Variants in GYS1 observed in about 807,000 individuals in gnomAD.
GYS1 encodes the protein glycogen [starch] synthase, muscle.
A neutral mutation model predicts 89.1 loss-of-function variants in GYS1; 60 were observed. The ratio of observed to expected loss-of-function variants is 0.67; its 90% CI spans 0.55 to 0.84. The LOEUF is 0.84. GYS1 is among the 40% of genes least tolerant of loss of function. The pLI is 0.00. For synonymous variants in GYS1, 366 were observed against 401.7 expected (o/e 0.91, Z 1.06); for missense variants, 888 against 1,003.1 (o/e 0.89, Z 1.55).
Position 48,993,207 on chromosome 19 carries a change from G to C in GYS1, c.-95C>G. The C allele has an allele frequency of 1.3e-6, 1 of 784,090 alleles. No individual in the cohort carries two copies. Among genetic ancestry groups the C allele is most frequent in the Admixed American group, 1.7e-5 (1 of 58,886 alleles). The allele number at this position is 784,090 out of a possible 1,614,324, so 48.6% of individuals were successfully genotyped here. ...AGGTAGGGTGCGGGGCCGAGTAGCTGGTGCCCGACGGGAAGCTTGCAAGAC... is the reference window on the plus strand; with the variant it reads ...AGGTAGGGTGCGGGGCCGAGTAGCTCGTGCCCGACGGGAAGCTTGCAAGAC... On this transcript the variant is annotated 5_prime_UTR_variant, in exon 1 of 16. Transcript: ENST00000323798.
intron 10 of GYS1, among the ~76,000 whole-genome samples, chr19:48,977,654 C>A (rs1392126867): frequency 2.0e-5 from 3 of 152,026 alleles, no homozygotes; most frequent in African/African-American, 7.2e-5. Flanking sequence ...TGCTCATTGA[C>A]CCCAGAATCC....
chr19:48,979,773 G>T (rs1600141150), intron 8 of GYS1, among the ~76,000 whole-genome samples: 1 of 150,542 alleles, frequency 6.6e-6, no homozygotes, highest in African/African-American at 2.4e-5. Context: ...AGCCTCTCGA[G>T]TAGCTAGGAC....
At chr19:48,987,118 A>T (rs2038853551) in intron 3 of GYS1, 76 bp downstream of exon 3, 1 of 1,049,216 alleles carries the variant, frequency 9.5e-7, no homozygotes, top group East Asian at 2.4e-5. Flanking sequence ...GCCCAGGGAG[A>T]AGCCCATCCT....
At chr19:48,986,709 G>A (rs2122523387) in intron 3 of GYS1, among the ~76,000 whole-genome samples, 1 of 152,026 alleles carries the variant, frequency 6.6e-6, no homozygotes, top group Middle Eastern at 3.4e-3. Flanking sequence ...ACGAGGTTTG[G>A]CCATCTTGAA....
intron 3 of GYS1, 92 bp downstream of exon 3, chr19:48,987,102 C>A: frequency 1.1e-6 from 1 of 916,090 alleles, no homozygotes; most frequent in East Asian, 2.5e-5. Context: ...CTATGACTCC[C>A]AGAATGCCCA....
chr19:48,989,395 T>C (rs1412544042), intron 2 of GYS1, among the ~76,000 whole-genome samples: 3 of 151,646 alleles, frequency 2.0e-5, no homozygotes, highest in Admixed American at 1.3e-4. Context: ...GGCAGGAGAA[T>C]TGCTTGAACG....
In GYS1 at chr19:48,993,154, G is replaced by A. The variant is rs370809454; in HGVS notation, c.-42C>T. The A allele has an allele frequency of 9.1e-7, 1 of 1,099,890 alleles. No homozygotes were observed. Among genetic ancestry groups the A allele is most frequent in the South Asian group, 1.2e-5 (1 of 80,780 alleles). 68.1% of individuals were successfully genotyped at this position (1,099,890 alleles called of 1,614,324 possible). A position where few individuals can be genotyped will look rare whatever the true frequency, so the allele number is the denominator to read the frequency against. ...GGGGCTCCGGGGATCTCCAGGTAGG[G>A]ACCCCGGAGGTGTCTAGGGAATGCA... On this transcript the variant is annotated 5_prime_UTR_variant, in exon 1 of 16. Transcript: ENST00000323798.
chr19:48,972,618 A>G (rs1035588335), intron 12 of GYS1, among the ~76,000 whole-genome samples: 4 of 151,770 alleles, frequency 2.6e-5, no homozygotes, highest in African/African-American at 7.3e-5. Flanking sequence ...GGCTGGGATT[A>G]CAGGTGCCTG....
chr19:48,991,476 G>A lies in GYS1; in HGVS notation c.126C>T (p.Gly42=). 6.2e-7 allele frequency: 1 copy of A among 1,608,592 alleles called. No individual in the cohort carries two copies. Among genetic ancestry groups the A allele is most frequent in the Non-Finnish European group, 8.5e-7 (1 of 1,177,640 alleles). Residue 42 remains glycine, a synonymous_variant, in exon 2 of 16, where the codon GGC becomes GGT. Coordinates refer to ENST00000323798, the MANE Select transcript of GYS1 (RefSeq NM_002103.5). This position sits in a 1 kb window ranked among gnomAD's most constrained non-coding sequence, Gnocchi z 4.7. ...CCTTCGTCTGCAGCACCGTGTAGATGCCACCCACTGTGGGCCCAAGCGTGT... is the reference window on the plus strand; with the variant it reads ...CCTTCGTCTGCAGCACCGTGTAGATACCACCCACTGTGGGCCCAAGCGTGT... ...VAWEVANKVG[G]IYTVLQTKAK... is the part of the protein sequence containing the mutation.
At chr19:48,992,907 G>GT in intron 1 of GYS1, 88 bp downstream of exon 1, 1 of 822,216 alleles carries the variant, frequency 1.2e-6, no homozygotes, top group Non-Finnish European at 2.2e-6. Flanking sequence ...GGTTCCCCTA[G>GT]TAGCCCCGTC....
At chr19:48,978,530 T>TTTATTATTATTATTATTA (rs71294392) in intron 8 of GYS1, among the ~76,000 whole-genome samples, 1,605 of 146,710 alleles carry the variant, frequency 0.011, 26 homozygotes, top group African/African-American at 0.037. Context: ...CAGCAGTTTA[T>TTTATTATTATTATTATTA]TTATTATTAT....
At chr19:48,990,004 G>GT (rs199593098) in intron 2 of GYS1, among the ~76,000 whole-genome samples, 11 of 149,238 alleles carry the variant, frequency 7.4e-5, no homozygotes, top group East Asian at 2.0e-4. Context: ...TTGCTGGGGG[G>GT]GGGGGGGGGC....
chr19:48,985,660 G>A (rs2038831484), intron 4 of GYS1, 55 bp from the exon 5 acceptor site: 1 of 1,599,110 alleles, frequency 6.3e-7, no homozygotes, highest in South Asian at 1.1e-5. Flanking sequence ...AGACTCTGGA[G>A]GTCCAGACAC....
rs565060910 is a variant in GYS1, at chr19:48,985,203, C to G, written c.823+258G>C. On this transcript the variant is annotated intron_variant, in intron 5 of 15. Transcript: ENST00000323798. ...AGTAGCTAGGGATACAGGCACACAC[C>G]ATGTCTGGCGAATATTTTAGACAGG... 3.3e-5 allele frequency among the ~76,000 whole-genome samples: 5 copies of G among 152,198 alleles called. No individual in the cohort carries two copies. In the South Asian group the frequency reaches 1.0e-3, roughly 32 times the overall value.
At chr19:48,990,012 G>GGC (rs1555800171) in intron 2 of GYS1, among the ~76,000 whole-genome samples, 7 of 150,680 alleles carry the variant, frequency 4.6e-5, no homozygotes, top group East Asian at 2.0e-4. Flanking sequence ...GGGGGGGGGG[G>GGC]GCTATTCTTA....
At position 48,991,585 on chromosome 19, in the gene GYS1, C is replaced by T. The variant is rs1568627384; in HGVS notation, c.119-102G>A. The stretch of plus-strand genomic sequence containing the variant: ...ATGTAGGGGGCACTCAGGCCCCAGA[C>T]CTCTAGCTCAGGGGGAAGAGGGGAC... On this transcript the variant is annotated intron_variant, in intron 1 of 15. Coordinates refer to ENST00000323798, the MANE Select transcript of GYS1 (RefSeq NM_002103.5). This position sits in a 1 kb window ranked among gnomAD's most constrained non-coding sequence, Gnocchi z 4.7. The T allele has an allele frequency of 5.5e-6, 7 of 1,268,732 alleles. No individual in the cohort carries two copies. The highest frequency in any genetic ancestry group is 6.8e-6 in the Non-Finnish European group (6 of 881,376). 78.6% of individuals were successfully genotyped at this position (1,268,732 alleles called of 1,614,324 possible). A position where few individuals can be genotyped will look rare whatever the true frequency, so the allele number is the denominator to read the frequency against.
At chr19:48,992,205 C>G (rs533602995) in intron 1 of GYS1, among the ~76,000 whole-genome samples, 34 of 152,264 alleles carry the variant, frequency 2.2e-4, no homozygotes, top group Non-Finnish European at 4.6e-4. Context: ...CCTCCAAGAC[C>G]CAGCAAAGCA....
At chr19:48,987,451 C>G in intron 2 of GYS1, 66 bp from the exon 3 acceptor site, 1 of 1,278,426 alleles carries the variant, frequency 7.8e-7, no homozygotes, top group Non-Finnish European at 1.1e-6. Flanking sequence ...TTCACTCATC[C>G]GTGGTTCTCC....
intron 2 of GYS1, among the ~76,000 whole-genome samples, chr19:48,988,443 C>T: frequency 6.6e-6 from 1 of 152,098 alleles, no homozygotes; most frequent in Non-Finnish European, 1.5e-5. Context: ...AGTCAATCCT[C>T]CCACCTCACC....
Sources: gnomAD v4.1 joint callset for allele counts (sites outside exome capture counted in the v4.1 genomes callset) on GRCh38, gnomAD v4.1.1 for gene constraint, Gnocchi (gnomAD v3.1) non-coding constraint, MANE v1.5 for transcripts, NCBI Gene and HGNC (gene_info 2026-07-23, HGNC 2026-07-21) for gene names.